The following MAD1L1 variants were observed in gnomAD, a reference collection of about 807,000 sequenced individuals.
The protein encoded by MAD1L1 is mitotic spindle assembly checkpoint protein MAD1.
In MAD1L1, 95 loss-of-function variants were observed where a neutral mutation model predicts 96.9. The observed-to-expected ratio is 0.98, with a 90% CI of 0.83 to 1.16. The LOEUF (loss-of-function observed/expected upper bound fraction) is 1.16, where lower values mean the gene tolerates loss of function less well. Ranked by LOEUF, MAD1L1 falls within the 50% of genes most tolerant of loss-of-function variation. MAD1L1 has a pLI of 0.00. For missense variants in MAD1L1, 1,007 were observed against 954.4 expected (o/e 1.06, Z -0.73); for synonymous variants, 473 against 396.6 (o/e 1.19, Z -2.29).
chr7:1,905,110 C>T lies in MAD1L1; in HGVS notation c.1808-6720G>A, dbSNP rs549752681. Among the ~76,000 whole-genome samples the T allele has an allele frequency of 1.1e-4, 9 of 78,638 alleles. 1 individual carries two copies. The highest frequency in any genetic ancestry group is 2.5e-4 in the African/African-American group (5 of 20,280). The allele number at this position is 78,638 out of a possible 152,430, so 51.6% of individuals were successfully genotyped here. A position where few individuals can be genotyped will look rare whatever the true frequency, so the allele number is the denominator to read the frequency against. On this transcript the variant is annotated intron_variant, in intron 17 of 18. Coordinates refer to ENST00000265854, the MANE Select transcript of MAD1L1 (RefSeq NM_001013836.2). ...GAAGCACTGTTCCAGGCAGCGAGGACGCAGTGGCCTACGGAAGACGCTCTC... is the reference window on the plus strand; with the variant it reads ...GAAGCACTGTTCCAGGCAGCGAGGATGCAGTGGCCTACGGAAGACGCTCTC...
chr7:2,135,189 C>CTG (rs975392548), intron 11 of MAD1L1, among the ~76,000 whole-genome samples: 1 of 152,238 alleles, frequency 6.6e-6, no homozygotes, highest in African/African-American at 2.4e-5. Context: ...TGAGCAGAAC[C>CTG]TGTGTGTGGG....
intron 11 of MAD1L1, among the ~76,000 whole-genome samples, chr7:2,102,246 G>A (rs1001313130): frequency 1.5e-5 from 2 of 129,996 alleles, no homozygotes; most frequent in Admixed American, 7.5e-5. Context: ...CACCACCACC[G>A]CCACTGTCAC....
rs190392889 is a variant in MAD1L1 at position 2,166,739 on chromosome 7, C to G, written c.987-17501G>C. On this transcript the variant is annotated intron_variant, in intron 10 of 18. Coordinates refer to ENST00000265854, the MANE Select transcript of MAD1L1 (RefSeq NM_001013836.2). ...GGCTGTGACAGCGTGTGTCCACTGTCCACAGCAGCTGGGCCGGGAGAATGA... is the reference window on the plus strand; with the variant it reads ...GGCTGTGACAGCGTGTGTCCACTGTGCACAGCAGCTGGGCCGGGAGAATGA... 2.9e-3 allele frequency among the ~76,000 whole-genome samples: 447 copies of G among 152,320 alleles called. 2 individuals carry two copies. The highest frequency in any genetic ancestry group is 4.7e-3 in the Non-Finnish European group (322 of 68,032).
chr7:1,855,903 G>A (rs976382035), intron 18 of MAD1L1, among the ~76,000 whole-genome samples: 1 of 152,144 alleles, frequency 6.6e-6, no homozygotes, highest in African/African-American at 2.4e-5. Context: ...CCACAGACAG[G>A]GTGGCTTATG....
At chr7:2,131,182 G>A (rs1788494763) in intron 11 of MAD1L1, among the ~76,000 whole-genome samples, 1 of 152,192 alleles carries the variant, frequency 6.6e-6, no homozygotes, top group African/African-American at 2.4e-5. Context: ...GGGCCCCAGA[G>A]CGGACCCTGC....
In MAD1L1 at chr7:2,116,453, A is replaced by G. The variant is rs749870; in HGVS notation, c.1073+32699T>C. Reference sequence around the variant, plus strand: ...CCAGGGAGGACTGGGGAGCCCCCAGAGAGCCAGCGCAGACGATGAATGCCA... The same window carrying G: ...CCAGGGAGGACTGGGGAGCCCCCAGGGAGCCAGCGCAGACGATGAATGCCA... On this transcript the variant is annotated intron_variant, in intron 11 of 18. Coordinates refer to ENST00000265854, the MANE Select transcript of MAD1L1 (RefSeq NM_001013836.2). Among the ~76,000 whole-genome samples, 34 of 151,958 alleles carry G rather than the reference A, an allele frequency of 2.2e-4. 1 individual carries two copies. The East Asian group carries it at 6.6e-3, about 30-fold the overall frequency.
At chr7:2,026,798 C>T (rs1284346847) in intron 12 of MAD1L1, among the ~76,000 whole-genome samples, 1 of 152,060 alleles carries the variant, frequency 6.6e-6, no homozygotes, top group Non-Finnish European at 1.5e-5. Context: ...AAATTGACAA[C>T]CTTAAATGCA....
rs940938054 is a variant in MAD1L1 at position 1,957,695 on chromosome 7, G to T, written c.1530C>A (p.Gly510=). The change falls in exon 16 of 19, where the codon GGC becomes GGA. Residue 510 remains glycine (G), a synonymous_variant. Coordinates refer to ENST00000265854, the MANE Select transcript of MAD1L1 (RefSeq NM_001013836.2). Reference sequence around the variant, plus strand: ...TTTCCTCCTCCAGCCGACTCCGCTCGCCTTCCAGCTCCTCGACCTTCAACC... The same window carrying T: ...TTTCCTCCTCCAGCCGACTCCGCTCTCCTTCCAGCTCCTCGACCTTCAACC... ...TLRLKVEELE[G]ERSRLEEEKR... 6.2e-7 allele frequency: 1 copy of T among 1,614,008 alleles called. No individual in the cohort carries two copies. Among genetic ancestry groups the T allele is most frequent in the African/African-American group, 1.3e-5 (1 of 74,934 alleles).
chr7:1,829,349 GC>G (rs1202338165), intron 18 of MAD1L1: 1 of 152,264 alleles, frequency 6.6e-6, no homozygotes, highest in African/African-American at 2.4e-5. Flanking sequence ...GCTCTGACCC[GC>G]CAGCTGCCAT....
In MAD1L1 at chr7:2,014,612, AC is replaced by A. The variant is rs1439830663; in HGVS notation, c.1248del (p.Ser417ProfsTer6). ...GCCGGGGTCAGCTCGCTGTCGTAGG[AC>A]CCCAGGATGGCCCGCATACCGTCCC... ...KERDGMRAIL[G>X]SYDSELTPAE... On this transcript the variant is annotated frameshift_variant, in exon 13 of 19. Transcript: ENST00000265854. LOFTEE classifies it high-confidence loss of function. 5.0e-6 allele frequency: 8 copies of A among 1,612,014 alleles called. No individual in the cohort carries two copies. The highest frequency in any genetic ancestry group is 1.7e-5 in the Admixed American group (1 of 59,914).
chr7:2,137,605 G>A (rs1019736018), intron 11 of MAD1L1, among the ~76,000 whole-genome samples: 2 of 152,096 alleles, frequency 1.3e-5, no homozygotes, highest in Non-Finnish European at 2.9e-5. Context: ...TGACTTGCAC[G>A]TGCCACCTCT....
At position 1,944,915 on chromosome 7, in the gene MAD1L1, C is replaced by T. The variant is rs890273053; in HGVS notation, c.1597-8018G>A. Among the ~76,000 whole-genome samples, 2 of 152,228 alleles carry T rather than the reference C, an allele frequency of 1.3e-5. 1 individual carries two copies. The highest frequency in any genetic ancestry group is 1.3e-4 in the Admixed American group (2 of 15,286). On this transcript the variant is annotated intron_variant, in intron 16 of 18. Transcript: ENST00000265854. ...AGTCAGCAGCTGACAGGCAGGGGACCGGCTGGCCTGGCTTCTGTGGCTTGG... is the reference window on the plus strand; with the variant it reads ...AGTCAGCAGCTGACAGGCAGGGGACTGGCTGGCCTGGCTTCTGTGGCTTGG...
intron 11 of MAD1L1, among the ~76,000 whole-genome samples, chr7:2,075,744 G>A (rs1022532301): frequency 2.0e-5 from 3 of 152,172 alleles, no homozygotes; most frequent in South Asian, 2.1e-4. Context: ...AAGGAACAAC[G>A]AAAGGACACA....
chr7:1,960,409 CCAAT>C lies in MAD1L1; in HGVS notation c.1506-2694_1506-2691del, dbSNP rs558864082. Among the ~76,000 whole-genome samples the C allele has an allele frequency of 3.0e-4, 45 of 152,074 alleles. No homozygotes were observed. The East Asian group carries it at 8.7e-3, about 29-fold the overall frequency. ...CTCAAACTGGATTAAAAAGCAACACCCAATCAGACACCGCTGACAATAATGCACT... is the reference window on the plus strand; with the variant it reads ...CTCAAACTGGATTAAAAAGCAACACCCAGACACCGCTGACAATAATGCACT... On this transcript the variant is annotated intron_variant, in intron 15 of 18. Coordinates refer to ENST00000265854, the MANE Select transcript of MAD1L1 (RefSeq NM_001013836.2).
chr7:2,027,824 A>T (rs1783051931), intron 12 of MAD1L1, among the ~76,000 whole-genome samples: 1 of 152,240 alleles, frequency 6.6e-6, no homozygotes, highest in East Asian at 1.9e-4. Context: ...AGCTATCAGC[A>T]TGTCTGTCCA....
chr7:2,156,326 C>T (rs915340311), intron 10 of MAD1L1, among the ~76,000 whole-genome samples: 65 of 152,304 alleles, frequency 4.3e-4, no homozygotes, highest in Middle Eastern at 6.8e-3. Context: ...CATGGTTTCA[C>T]GGTGCGTGGC....
chr7:2,086,023 C>T (rs534521696), intron 11 of MAD1L1, among the ~76,000 whole-genome samples: 1 of 152,192 alleles, frequency 6.6e-6, no homozygotes, highest in Admixed American at 6.5e-5. Context: ...CCTCCGTGCG[C>T]AGCTCCACCT....
intron 18 of MAD1L1, among the ~76,000 whole-genome samples, chr7:1,822,932 C>A (rs952937831): frequency 4.6e-5 from 7 of 151,976 alleles, no homozygotes; most frequent in Non-Finnish European, 8.8e-5. Context: ...CAGAACAGAA[C>A]AGAGGAACTC....
chr7:1,959,550 G>A (rs559824876), intron 15 of MAD1L1, among the ~76,000 whole-genome samples: 98 of 152,282 alleles, frequency 6.4e-4, no homozygotes, highest in Non-Finnish European at 1.2e-3. Context: ...TCAGGACCAC[G>A]GCACGGAAAA....
Sources: allele counts gnomAD v4.1 joint callset (sites outside exome capture counted in the v4.1 genomes callset), GRCh38; gene constraint gnomAD v4.1.1; transcripts MANE v1.5; gene names NCBI Gene and HGNC (gene_info 2026-07-23, HGNC 2026-07-21).